PPIL2: variants seen among roughly 807,000 people sequenced by gnomAD.
PPIL2 encodes the protein peptidylprolyl isomerase like 2.
Under a neutral mutation model 75.2 loss-of-function variants are expected in PPIL2, and 50 were observed. The observed-to-expected ratio is 0.66, with a 90% CI of 0.53 to 0.84. The LOEUF (loss-of-function observed/expected upper bound fraction) is 0.84. Among genes scored for constraint, PPIL2 ranks in the 40% least tolerant of loss-of-function variants. PPIL2 has a pLI of 0.00. For synonymous variants in PPIL2, 245 were observed against 258.8 expected (o/e 0.95, Z 0.51); for missense variants, 590 against 685.0 (o/e 0.86, Z 1.55).
intron 7 of PPIL2, among the ~76,000 whole-genome samples, chr22:21,681,747 G>A (rs544371179): frequency 2.0e-5 from 3 of 152,240 alleles, no homozygotes; most frequent in Admixed American, 6.5e-5. Context: ...TGCTCGCCCC[G>A]GATCTGGATG....
chr22:21,666,199 C>T (rs1308786645), intron 1 of PPIL2, 68 bp downstream of exon 1: 36 of 1,517,350 alleles, frequency 2.4e-5, no homozygotes, highest in Middle Eastern at 1.7e-4. Context: ...CCGCACTGCG[C>T]GCCGCTCGCC....
At chr22:21,684,219 G>A (rs374914153) in intron 9 of PPIL2, among the ~76,000 whole-genome samples, 9 of 151,036 alleles carry the variant, frequency 6.0e-5, no homozygotes, top group Middle Eastern at 3.4e-3. Context: ...AAGGCTGGGC[G>A]CGGTGGGTCA....
At chr22:21,671,381 T>C (rs108816) in intron 4 of PPIL2, among the ~76,000 whole-genome samples, 46,597 of 152,134 alleles carry the variant, frequency 0.31, 7,427 homozygotes, top group Non-Finnish European at 0.36. Flanking sequence ...AGTCCCACTA[T>C]CCAAGATAAC....
chr22:21,670,076 C>T lies in PPIL2; in HGVS notation c.82+114C>T, dbSNP rs753751218. ...ACAAGAACACGGAAACTATGGTAGA[C>T]GAATGGGCTGAGGACACAGTTCATG... On this transcript the variant is annotated intron_variant, in intron 2 of 19. Coordinates refer to ENST00000398831, the MANE Select transcript of PPIL2 (RefSeq NM_014337.4). 96 of 1,132,468 alleles carry T rather than the reference C, an allele frequency of 8.5e-5. 1 individual carries two copies. Among genetic ancestry groups the T allele is most frequent in the Admixed American group, 4.0e-4 (21 of 51,944 alleles). 70.2% of individuals were successfully genotyped at this position (1,132,468 alleles called of 1,614,324 possible). A position where few individuals can be genotyped will look rare whatever the true frequency, so the allele number is the denominator to read the frequency against.
chr22:21,672,528 C>G (rs1306824931), intron 5 of PPIL2, 147 bp downstream of exon 5: 2 of 757,992 alleles, frequency 2.6e-6, no homozygotes, highest in East Asian at 5.3e-5. Context: ...CCCCTCCTCT[C>G]CCCACACCCA....
At chr22:21,670,111 TATACTC>T (rs1352447662) in intron 2 of PPIL2, 149 bp downstream of exon 2, 1 of 936,576 alleles carries the variant, frequency 1.1e-6, no homozygotes, top group African/African-American at 1.7e-5. Flanking sequence ...GAAAGAGAAA[TATACTC>T]AAGATAGAAG....
chr22:21,677,214 G>T lies in PPIL2; in HGVS notation c.295+2099G>T, dbSNP rs1407325454. Among the ~76,000 whole-genome samples the T allele has an allele frequency of 2.0e-5, 3 of 152,176 alleles. No homozygotes were observed. The East Asian group carries it at 5.8e-4, about 30-fold the overall frequency. On this transcript the variant is annotated intron_variant, in intron 6 of 19. Coordinates refer to ENST00000398831, the MANE Select transcript of PPIL2 (RefSeq NM_014337.4). ...AGACACTCCTCACCTCCCAGATGGG[G>T]TTGCAGCCAGGCAGAGGCGCTCCTC...
At position 21,695,108 on chromosome 22, in the gene PPIL2, T is replaced by A. The variant is rs150767763; in HGVS notation, c.1466+38T>A. 898 of 1,555,502 alleles carry A rather than the reference T, an allele frequency of 5.8e-4. 9 individuals are homozygous for A. In the African/African-American group the frequency reaches 0.01, roughly 18 times the overall value. On this transcript the variant is annotated intron_variant, in intron 19 of 19. Transcript: ENST00000398831. ...GGGCTGGCCTCCCTGTTTCCCATGG[T>A]GTTTCCTAGGGCTGACTGAGGTCTG...
At position 21,670,497 on chromosome 22, in the gene PPIL2, C is replaced by G. The variant is rs533477816; in HGVS notation, c.83-69C>G. 5.3e-4 allele frequency: 803 copies of G among 1,506,614 alleles called. 4 individuals are homozygous for G. In the Middle Eastern group the frequency reaches 0.018, roughly 34 times the overall value. The allele number at this position is 1,506,614 out of a possible 1,614,324, so 93.3% of individuals were successfully genotyped here. On this transcript the variant is annotated intron_variant, in intron 2 of 19. Coordinates refer to ENST00000398831, the MANE Select transcript of PPIL2 (RefSeq NM_014337.4). ...TTTTTCATAAGCTGTAACTGAATTG[C>G]TAGCAGGTGCACATAGATGAAATAC... is the stretch of plus-strand genomic sequence containing the variant.
intron 9 of PPIL2, among the ~76,000 whole-genome samples, chr22:21,684,242 C>T (rs1280114554): frequency 1.4e-5 from 2 of 147,766 alleles, no homozygotes; most frequent in African/African-American, 5.1e-5. Flanking sequence ...CCTGTAATCC[C>T]AGCACTTTGG....
At chr22:21,693,935 T>C (rs1045425509) in intron 16 of PPIL2, 63 bp downstream of exon 16, 4 of 1,485,870 alleles carry the variant, frequency 2.7e-6, no homozygotes, top group Admixed American at 1.7e-5. Context: ...CTTCCCCACC[T>C]GAGGCCTCCT....
At chr22:21,667,832 A>G (rs921050301) in intron 1 of PPIL2, among the ~76,000 whole-genome samples, 4 of 133,120 alleles carry the variant, frequency 3.0e-5, no homozygotes, top group East Asian at 2.2e-4. Context: ...CTGGAGTGCA[A>G]TGGTGCCGTC....
intron 1 of PPIL2, among the ~76,000 whole-genome samples, chr22:21,669,032 AGTAGAGAC>A (rs2066515195): frequency 1.3e-5 from 1 of 76,870 alleles, no homozygotes; most frequent in African/African-American, 5.0e-5. Flanking sequence ...TTTTTTTTTT[AGTAGAGAC>A]TGGTTTCACC....
At chr22:21,689,282 G>A (rs2067518284) in intron 15 of PPIL2, among the ~76,000 whole-genome samples, 1 of 152,208 alleles carries the variant, frequency 6.6e-6, no homozygotes, top group Non-Finnish European at 1.5e-5. Flanking sequence ...AGGAGGCAGG[G>A]GATGGGGGGC....
Position 21,686,888 on chromosome 22 carries a change from G to A in PPIL2, c.791-4G>A, listed in dbSNP as rs967956037. On this transcript the variant is annotated splice_polypyrimidine_tract_variant and splice_region_variant and intron_variant, in intron 11 of 19. Transcript: ENST00000398831. Reference sequence around the variant, plus strand: ...AGGGGCTGAGCTGGGACCTTGGCTTGTAGCTGCCATCGACGAGGATGTGCT... The same window carrying A: ...AGGGGCTGAGCTGGGACCTTGGCTTATAGCTGCCATCGACGAGGATGTGCT... 8 of 1,613,766 alleles carry A rather than the reference G, an allele frequency of 5.0e-6. No homozygotes were observed. Among genetic ancestry groups the A allele is most frequent in the Non-Finnish European group, 5.1e-6 (6 of 1,179,950 alleles).
intron 9 of PPIL2, 106 bp downstream of exon 9, chr22:21,683,363 C>A: frequency 1.1e-6 from 1 of 896,516 alleles, no homozygotes; most frequent in Non-Finnish European, 1.8e-6. Context: ...GGGGTCCCAG[C>A]CCAGACAGGC....
At position 21,694,567 on chromosome 22, in the gene PPIL2, G is replaced by A. The variant is rs199682115; in HGVS notation, c.1197-26G>A. The A allele has an allele frequency of 3.5e-4, 572 of 1,613,522 alleles. 1 individual carries two copies. In the African/African-American group the frequency reaches 6.9e-3, roughly 20 times the overall value. ...GGGGTGCCCTCCTTGAGCACACGCA[G>A]ACCCACCTCTGTCTCCCTGCTGCAG... is the stretch of plus-strand genomic sequence containing the variant. On this transcript the variant is annotated intron_variant, in intron 16 of 19. Coordinates refer to ENST00000398831, the MANE Select transcript of PPIL2 (RefSeq NM_014337.4).
intron 6 of PPIL2, among the ~76,000 whole-genome samples, chr22:21,678,264 C>T (rs1336158762): frequency 6.6e-6 from 1 of 152,090 alleles, no homozygotes; most frequent in Non-Finnish European, 1.5e-5. Flanking sequence ...GAAATGAGGT[C>T]TCTGTCACCC....
At chr22:21,694,714 G>T in intron 17 of PPIL2, 41 bp from the exon 18 acceptor site, 1 of 1,612,460 alleles carries the variant, frequency 6.2e-7, no homozygotes, top group Non-Finnish European at 8.5e-7. Flanking sequence ...CAGGCAGGCA[G>T]GGGGAGGACC....
Sources: allele counts gnomAD v4.1 joint callset (sites outside exome capture counted in the v4.1 genomes callset), GRCh38; gene constraint gnomAD v4.1.1; transcripts MANE v1.5; gene names NCBI Gene and HGNC (gene_info 2026-07-23, HGNC 2026-07-21).